SLAIN2: variants seen among roughly 807,000 people sequenced by gnomAD.
SLAIN2 encodes SLAIN family member 2.
A neutral mutation model predicts 56.6 loss-of-function variants in SLAIN2; 31 were observed. The observed-to-expected ratio is 0.55, with a 90% CI of 0.41 to 0.74. The LOEUF is 0.74. SLAIN2 is among the 30% of genes least tolerant of loss of function. The pLI, the probability that SLAIN2 is intolerant of heterozygous loss-of-function variation, is 0.00. For synonymous variants in SLAIN2, 317 were observed against 284.9 expected (o/e 1.11, Z -1.13); for missense variants, 777 against 754.2 (o/e 1.03, Z -0.35).
At chr4:48,381,195 A>G (rs527455530) in intron 4 of SLAIN2, among the ~76,000 whole-genome samples, 1 of 152,280 alleles carries the variant, frequency 6.6e-6, no homozygotes, top group East Asian at 1.9e-4. Flanking sequence ...AAGCTCAACC[A>G]GCTCTTTGCT....
intron 2 of SLAIN2, among the ~76,000 whole-genome samples, chr4:48,370,966 A>G (rs1367181045): frequency 6.6e-6 from 1 of 152,198 alleles, no homozygotes; most frequent in Admixed American, 6.5e-5. Flanking sequence ...TTATTTGGTG[A>G]TAAGGGGTAG....
At chr4:48,344,976 T>A (rs10029785) in intron 1 of SLAIN2, among the ~76,000 whole-genome samples, 82,012 of 152,018 alleles carry the variant, frequency 0.54, 22,580 homozygotes, top group South Asian at 0.69. Flanking sequence ...GAGAACTAAC[T>A]TCGTTGTGCA....
intron 2 of SLAIN2, among the ~76,000 whole-genome samples, chr4:48,376,646 G>T (rs1315052670): frequency 7.4e-6 from 1 of 134,356 alleles, no homozygotes; most frequent in Non-Finnish European, 1.6e-5. Context: ...TTTTGAGACG[G>T]AGTCTCGCTC....
At chr4:48,354,512 G>A (rs1166323002) in intron 1 of SLAIN2, among the ~76,000 whole-genome samples, 2 of 152,056 alleles carry the variant, frequency 1.3e-5, no homozygotes, top group African/African-American at 4.8e-5. Context: ...TGTTGCCCAG[G>A]CTGGAGTGCA....
At chr4:48,342,312 G>A (rs1307954896) in intron 1 of SLAIN2, among the ~76,000 whole-genome samples, 184 bp downstream of exon 1, 2 of 152,250 alleles carry the variant, frequency 1.3e-5, no homozygotes, top group African/African-American at 2.4e-5. Context: ...CGAGGCGTGC[G>A]CAAGTAACAG....
chr4:48,393,773 G>A (rs763275069), intron 6 of SLAIN2, among the ~76,000 whole-genome samples: 7 of 152,134 alleles, frequency 4.6e-5, no homozygotes, highest in African/African-American at 1.4e-4. Context: ...CAGAGCCATA[G>A]TAACTGTATA....
chr4:48,346,828 T>C (rs1158853947), intron 1 of SLAIN2, among the ~76,000 whole-genome samples: 1 of 146,088 alleles, frequency 6.8e-6, no homozygotes, highest in Non-Finnish European at 1.5e-5. Context: ...ATAAGCTTTC[T>C]ATTTCCCTTT....
intron 2 of SLAIN2, among the ~76,000 whole-genome samples, chr4:48,376,428 C>T (rs1715812337): frequency 7.0e-6 from 1 of 142,452 alleles, no homozygotes; most frequent in African/African-American, 2.7e-5. Flanking sequence ...GCACTCCAGC[C>T]TGGGTGACAG....
rs535129536 is a variant in SLAIN2, at chr4:48,378,070, A to G, written c.703+10A>G. The G allele has an allele frequency of 6.8e-6, 11 of 1,611,394 alleles. No individual in the cohort carries two copies. In the East Asian group the frequency reaches 2.2e-4, roughly 33 times the overall value. On this transcript the variant is annotated intron_variant, in intron 3 of 7. Coordinates refer to ENST00000264313, the MANE Select transcript of SLAIN2 (RefSeq NM_020846.2). ...CTTCCTGGAAATTCAGGTAAGGAGA[A>G]AATGATATGGAGCTATTAAGGAATG...
chr4:48,345,129 C>T (rs189170537), intron 1 of SLAIN2, among the ~76,000 whole-genome samples: 100 of 152,276 alleles, frequency 6.6e-4, no homozygotes, highest in African/African-American at 2.3e-3. Flanking sequence ...ATGATGGCAC[C>T]AGGATTTGAA....
chr4:48,377,293 C>T (rs1715844726), intron 2 of SLAIN2, among the ~76,000 whole-genome samples: 1 of 151,498 alleles, frequency 6.6e-6, no homozygotes, highest in Non-Finnish European at 1.5e-5. Flanking sequence ...AGTGATTTTC[C>T]TGCCTCAGCC....
At chr4:48,385,808 C>T (rs1033210992) in intron 6 of SLAIN2, among the ~76,000 whole-genome samples, 3 of 151,784 alleles carry the variant, frequency 2.0e-5, no homozygotes, top group African/African-American at 4.8e-5. Context: ...TCACACTTTT[C>T]CTTGGCCCTG....
At chr4:48,369,786 T>G (rs948857289) in intron 1 of SLAIN2, 63 bp from the exon 2 acceptor site, 19 of 1,482,388 alleles carry the variant, frequency 1.3e-5, no homozygotes, top group Non-Finnish European at 1.7e-5. Context: ...TCCAAAAGGA[T>G]CCCTGTTTTA....
intron 6 of SLAIN2, among the ~76,000 whole-genome samples, chr4:48,412,605 C>G (rs888247825): frequency 3.3e-5 from 5 of 152,136 alleles, no homozygotes; most frequent in Non-Finnish European, 4.4e-5. Context: ...GAAGATTAAG[C>G]TGTAAATGTT....
At chr4:48,386,107 A>AAAAAAAAAAAAAAAC (rs1560459324) in intron 6 of SLAIN2, among the ~76,000 whole-genome samples, 1 of 147,122 alleles carries the variant, frequency 6.8e-6, no homozygotes, top group Non-Finnish European at 1.5e-5. Context: ...AAAAAAAAAA[A>AAAAAAAAAAAAAAAC]AAGCTACGAA....
rs920387299 is a variant in SLAIN2 at position 48,423,872 on chromosome 4, G to A, written c.*1795G>A. Reference sequence around the variant, plus strand: ...ATGTTGCTTTTCAGAGGAAGATAAAGCATCTTCTTTTGGGAGGGGGGTATC... The same window carrying A: ...ATGTTGCTTTTCAGAGGAAGATAAAACATCTTCTTTTGGGAGGGGGGTATC... On this transcript the variant is annotated 3_prime_UTR_variant, in exon 8 of 8. Coordinates refer to ENST00000264313, the MANE Select transcript of SLAIN2 (RefSeq NM_020846.2). The A allele has an allele frequency of 1.2e-4, 19 of 152,112 alleles. No homozygotes were observed. The highest frequency in any genetic ancestry group is 4.6e-4 in the African/African-American group (19 of 41,442). 9.4% of individuals were successfully genotyped at this position (152,112 alleles called of 1,614,324 possible). A position where few individuals can be genotyped will look rare whatever the true frequency, so the allele number is the denominator to read the frequency against.
intron 6 of SLAIN2, among the ~76,000 whole-genome samples, chr4:48,402,539 G>A (rs566801180): frequency 6.6e-6 from 1 of 152,066 alleles, no homozygotes; most frequent in East Asian, 1.9e-4. Flanking sequence ...CCTCCACTTG[G>A]TCTCTTCTGC....
At chr4:48,407,777 C>T (rs1212595863) in intron 6 of SLAIN2, among the ~76,000 whole-genome samples, 1 of 152,030 alleles carries the variant, frequency 6.6e-6, no homozygotes, top group African/African-American at 2.4e-5. Context: ...AGGGAGAAAC[C>T]ATTACCACTA....
intron 1 of SLAIN2, among the ~76,000 whole-genome samples, chr4:48,351,826 G>T (rs1392916304): frequency 2.0e-5 from 3 of 152,224 alleles, no homozygotes; most frequent in South Asian, 2.1e-4. Context: ...TGTTCTCTCT[G>T]AAACCAGTAA....
Sources: allele counts gnomAD v4.1 joint callset (sites outside exome capture counted in the v4.1 genomes callset), GRCh38; gene constraint gnomAD v4.1.1; transcripts MANE v1.5; gene names NCBI Gene and HGNC (gene_info 2026-07-23, HGNC 2026-07-21).